The following YAF2 variants were observed in gnomAD, a reference collection of about 807,000 sequenced individuals.
The protein encoded by YAF2 is YY1 associated factor 2.
A neutral mutation model predicts 20.1 loss-of-function variants in YAF2; 7 were observed. That is an observed-to-expected ratio of 0.35 (90% CI 0.20 to 0.65). The LOEUF (loss-of-function observed/expected upper bound fraction) is 0.65, where lower values mean the gene tolerates loss of function less well. Ranked by LOEUF, YAF2 falls within the 30% of genes least tolerant of loss-of-function variation. The pLI, the probability that YAF2 is intolerant of heterozygous loss-of-function variation, is 0.69. For synonymous variants in YAF2, 74 were observed against 76.0 expected (o/e 0.97, Z 0.14); for missense variants, 151 against 219.2 (o/e 0.69, Z 1.96).
chr12:42,214,919 G>A (rs1216996298), intron 2 of YAF2, among the ~76,000 whole-genome samples: 3 of 152,162 alleles, frequency 2.0e-5, no homozygotes, highest in South Asian at 4.1e-4. Flanking sequence ...CAGGAGAATC[G>A]TTTGAACCTG....
chr12:42,215,878 C>T (rs1291132142), intron 2 of YAF2, among the ~76,000 whole-genome samples: 2 of 151,808 alleles, frequency 1.3e-5, no homozygotes, highest in African/African-American at 4.8e-5. Flanking sequence ...GCCCAGATTG[C>T]GCCACTGCAC....
chr12:42,224,155 C>T (rs1160002562), intron 2 of YAF2, among the ~76,000 whole-genome samples: 1 of 152,174 alleles, frequency 6.6e-6, no homozygotes. Context: ...CTTGTATTTA[C>T]TCACTAGCAA....
intron 2 of YAF2, among the ~76,000 whole-genome samples, chr12:42,204,015 A>G (rs1379712112): frequency 6.6e-6 from 1 of 152,198 alleles, no homozygotes; most frequent in Non-Finnish European, 1.5e-5. Context: ...CATGCCTGTG[A>G]ATAGCCACTG....
intron 2 of YAF2, among the ~76,000 whole-genome samples, chr12:42,189,543 T>C (rs556899754): frequency 6.6e-6 from 1 of 152,328 alleles, no homozygotes; most frequent in African/African-American, 2.4e-5. Context: ...TGATGCACAG[T>C]AGCAGAAATG....
intron 2 of YAF2, among the ~76,000 whole-genome samples, chr12:42,166,463 CAT>C (rs1474209597): frequency 7.9e-5 from 12 of 152,206 alleles, no homozygotes; most frequent in African/African-American, 2.2e-4. Context: ...AATGTTTTCA[CAT>C]GTCTTTAAAG....
At chr12:42,165,767 G>A (rs1415372657) in intron 2 of YAF2, among the ~76,000 whole-genome samples, 3 of 141,476 alleles carry the variant, frequency 2.1e-5, no homozygotes, top group Non-Finnish European at 1.5e-5. Context: ...TGCTGCGCCC[G>A]GCCAGGTTTT....
chr12:42,158,281 TTC>T lies in YAF2; in HGVS notation c.*2306_*2307del, dbSNP rs1248801339. The T allele has an allele frequency of 6.6e-6, 1 of 152,216 alleles. No homozygotes were observed. The highest frequency in any genetic ancestry group is 1.5e-5 in the Non-Finnish European group (1 of 68,036). The allele number at this position is 152,216 out of a possible 1,614,324, so 9.4% of individuals were successfully genotyped here. On this transcript the variant is annotated 3_prime_UTR_variant, in exon 4 of 4. Coordinates refer to ENST00000534854, the MANE Select transcript of YAF2 (RefSeq NM_005748.6). Reference sequence around the variant, plus strand: ...TTCTTTAATTATGGAAAGATGGTCTTTCTGCATCCAGAGAAAACATCTGATAT... The same window carrying T: ...TTCTTTAATTATGGAAAGATGGTCTTTGCATCCAGAGAAAACATCTGATAT...
intron 2 of YAF2, among the ~76,000 whole-genome samples, chr12:42,196,802 G>A (rs1004957125): frequency 2.0e-5 from 3 of 152,162 alleles, no homozygotes; most frequent in African/African-American, 7.2e-5. Context: ...GAAACATGGT[G>A]CAGGCTAACA....
intron 2 of YAF2, among the ~76,000 whole-genome samples, chr12:42,182,750 G>A (rs2066375771): frequency 6.6e-6 from 1 of 152,128 alleles, no homozygotes; most frequent in Non-Finnish European, 1.5e-5. Context: ...AATATAAACT[G>A]GCTATTGCAG....
intron 2 of YAF2, among the ~76,000 whole-genome samples, chr12:42,164,528 T>C (rs999226411): frequency 2.0e-5 from 3 of 151,844 alleles, no homozygotes; most frequent in Admixed American, 6.6e-5. Flanking sequence ...ACAGGTAAGA[T>C]GAAAGAAAGG....
intron 2 of YAF2, among the ~76,000 whole-genome samples, chr12:42,226,693 C>T (rs6582387): frequency 0.015 from 2,294 of 152,158 alleles, 56 homozygotes; most frequent in African/African-American, 0.053. Flanking sequence ...AATGCTAAAA[C>T]GATTTATACC....
At chr12:42,179,415 AG>A (rs2066282778) in intron 2 of YAF2, among the ~76,000 whole-genome samples, 1 of 152,230 alleles carries the variant, frequency 6.6e-6, no homozygotes, top group Admixed American at 6.5e-5. Context: ...GGTTTTAGTG[AG>A]CCAAGATTGC....
At chr12:42,219,667 G>A (rs117422274) in intron 2 of YAF2, among the ~76,000 whole-genome samples, 1,895 of 152,192 alleles carry the variant, frequency 0.012, 14 homozygotes, top group Middle Eastern at 0.034. Context: ...AAGCTCTTTG[G>A]AAAAGGCAGC....
chr12:42,179,533 TAA>T (rs1391371534), intron 2 of YAF2, among the ~76,000 whole-genome samples: 2 of 152,174 alleles, frequency 1.3e-5, no homozygotes, highest in African/African-American at 2.4e-5. Context: ...TCTGAAGGTC[TAA>T]GTTTTCTAAA....
chr12:42,195,988 G>A (rs1037847038), intron 2 of YAF2, among the ~76,000 whole-genome samples: 37 of 151,984 alleles, frequency 2.4e-4, no homozygotes, highest in Admixed American at 9.2e-4. Context: ...TTGGGAGGCC[G>A]AGGTGGGTGG....
At chr12:42,170,407 T>C (rs1414841622) in intron 2 of YAF2, among the ~76,000 whole-genome samples, 1 of 152,244 alleles carries the variant, frequency 6.6e-6, no homozygotes, top group East Asian at 1.9e-4. Context: ...TCATTTATCT[T>C]GCGTATCTTA....
chr12:42,181,952 C>T (rs1326935418), intron 2 of YAF2, among the ~76,000 whole-genome samples: 2 of 152,076 alleles, frequency 1.3e-5, no homozygotes, highest in Non-Finnish European at 2.9e-5. Flanking sequence ...CATCCTTTTG[C>T]TTCTAGTGGC....
rs289284 is a variant in YAF2, at chr12:42,227,098, C to T, written c.152+10501G>A. On this transcript the variant is annotated intron_variant, in intron 2 of 3. Transcript: ENST00000534854. Reference sequence around the variant, plus strand: ...CGACCGCCGGGAGGATGGAGTTCAGCGGGCAGCGGAGCTGTCTCAGTCTTT... The same window carrying T: ...CGACCGCCGGGAGGATGGAGTTCAGTGGGCAGCGGAGCTGTCTCAGTCTTT... Among the ~76,000 whole-genome samples the T allele has an allele frequency of 3.2e-4, 46 of 144,320 alleles. No homozygotes were observed. In the East Asian group the frequency reaches 4.7e-3, roughly 15 times the overall value. 94.7% of individuals were successfully genotyped at this position (144,320 alleles called of 152,430 possible).
intron 2 of YAF2, among the ~76,000 whole-genome samples, chr12:42,214,501 A>T (rs1050030056): frequency 1.3e-5 from 2 of 151,700 alleles, no homozygotes; most frequent in African/African-American, 4.8e-5. Context: ...CGAACTCCTG[A>T]GCTAAAGTGA....
Sources: allele counts gnomAD v4.1 joint callset (sites outside exome capture counted in the v4.1 genomes callset), GRCh38; gene constraint gnomAD v4.1.1; transcripts MANE v1.5; gene names NCBI Gene and HGNC (gene_info 2026-07-23, HGNC 2026-07-21).